Variants in PSD3 observed in about 807,000 individuals in gnomAD.
The protein encoded by PSD3 is PH and SEC7 domain-containing protein 3.
Under a neutral mutation model 105.5 loss-of-function variants are expected in PSD3, and 49 were observed. That is an observed-to-expected ratio of 0.46 (90% CI 0.37 to 0.59). The LOEUF (loss-of-function observed/expected upper bound fraction) is 0.59. Ranked by LOEUF, PSD3 falls within the 20% of genes least tolerant of loss-of-function variation. The pLI is 0.00. For missense variants in PSD3, 1,561 were observed against 1,263.8 expected (o/e 1.24, Z -3.57); for synonymous variants, 557 against 457.8 (o/e 1.22, Z -2.77).
intron 1 of PSD3, among the ~76,000 whole-genome samples, chr8:18,951,721 A>C (rs2129470085): frequency 6.6e-6 from 1 of 152,280 alleles, no homozygotes; most frequent in Non-Finnish European, 1.5e-5. Context: ...ACAGTGGCTC[A>C]CACCTGTAAT....
At chr8:18,812,520 G>C (rs912325354) in intron 4 of PSD3, among the ~76,000 whole-genome samples, 2 of 152,184 alleles carry the variant, frequency 1.3e-5, no homozygotes, top group East Asian at 1.9e-4. Flanking sequence ...GGGAGGAGCT[G>C]GCTTGGGTGG....
chr8:18,816,398 G>T (rs1327965913), intron 4 of PSD3, among the ~76,000 whole-genome samples: 3 of 152,198 alleles, frequency 2.0e-5, no homozygotes, highest in African/African-American at 7.2e-5. Context: ...CTCAGCAATG[G>T]CGGCTGCAGT....
intron 8 of PSD3, among the ~76,000 whole-genome samples, chr8:18,787,055 A>G (rs911834846): frequency 6.6e-6 from 1 of 152,224 alleles, no homozygotes; most frequent in Admixed American, 6.5e-5. Context: ...TTATTTTAAA[A>G]TACTATTATT....
intron 4 of PSD3, among the ~76,000 whole-genome samples, chr8:18,810,857 A>G (rs780655836): frequency 3.9e-5 from 6 of 152,240 alleles, no homozygotes; most frequent in Non-Finnish European, 4.4e-5. Context: ...ACTGGAACCA[A>G]CAGACAAGAG....
chr8:19,050,892 G>C (rs1307888655), intron 1 of PSD3, among the ~76,000 whole-genome samples: 2 of 152,168 alleles, frequency 1.3e-5, no homozygotes, highest in Non-Finnish European at 2.9e-5. Flanking sequence ...CCTCCCGTGA[G>C]CCAGGAGCTA....
intron 1 of PSD3, among the ~76,000 whole-genome samples, chr8:19,053,876 A>G (rs1470591825): frequency 6.6e-6 from 1 of 152,252 alleles, no homozygotes; most frequent in Non-Finnish European, 1.5e-5. Flanking sequence ...ATTTGTACAA[A>G]TGAATGAATG....
intron 11 of PSD3, among the ~76,000 whole-genome samples, chr8:18,608,913 T>C (rs1292567125): frequency 6.6e-6 from 1 of 152,234 alleles, no homozygotes; most frequent in Non-Finnish European, 1.5e-5. Flanking sequence ...TTCATTCAAA[T>C]GGCAGAGCAT....
chr8:18,776,998 A>G (rs183451796), intron 8 of PSD3, among the ~76,000 whole-genome samples: 1 of 151,554 alleles, frequency 6.6e-6, no homozygotes, highest in East Asian at 1.9e-4. Flanking sequence ...TTCTGATTTT[A>G]TTGATTTTGG....
intron 14 of PSD3, among the ~76,000 whole-genome samples, chr8:18,561,385 CA>C (rs1382542595): frequency 6.6e-6 from 1 of 152,136 alleles, no homozygotes; most frequent in Non-Finnish European, 1.5e-5. Context: ...CACAGAAAGA[CA>C]GATATTGGAT....
At position 18,593,351 on chromosome 8, in the gene PSD3, C is replaced by T. The variant is rs62498642; in HGVS notation, c.2481+7013G>A. On this transcript the variant is annotated intron_variant, in intron 12 of 15. Coordinates refer to ENST00000327040, the MANE Select transcript of PSD3 (RefSeq NM_015310.4). ...CACTTCTCAAAAGAAGACATTTATG[C>T]AGCCAACAGACACATGAAAAAATGC... Among the ~76,000 whole-genome samples, 1,499 of 152,310 alleles carry T rather than the reference C, an allele frequency of 9.8e-3. 9 individuals are homozygous for T. Among genetic ancestry groups the T allele is most frequent in the Middle Eastern group, 0.02 (6 of 294 alleles).
At chr8:19,079,392 C>T (rs1470620535) in intron 1 of PSD3, among the ~76,000 whole-genome samples, 5 of 152,168 alleles carry the variant, frequency 3.3e-5, no homozygotes, top group African/African-American at 1.2e-4. Flanking sequence ...GTTAAAATTA[C>T]TATGTGAGCA....
chr8:18,736,202 G>A (rs554532134), intron 9 of PSD3, among the ~76,000 whole-genome samples: 19 of 152,210 alleles, frequency 1.2e-4, no homozygotes, highest in Middle Eastern at 3.4e-3. Flanking sequence ...GGAATAAGAT[G>A]CCCTATATTA....
intron 2 of PSD3, among the ~76,000 whole-genome samples, chr8:18,919,102 T>G (rs965439226): frequency 6.6e-6 from 1 of 152,188 alleles, no homozygotes; most frequent in Non-Finnish European, 1.5e-5. Context: ...ATAATTTACC[T>G]GCAAATATGC....
chr8:18,831,229 T>C (rs1813657238), intron 4 of PSD3, among the ~76,000 whole-genome samples: 1 of 152,202 alleles, frequency 6.6e-6, no homozygotes, highest in Non-Finnish European at 1.5e-5. Context: ...CTTCCTCATC[T>C]GTAAAGTGAA....
chr8:18,596,506 A>C (rs1022102980), intron 12 of PSD3, among the ~76,000 whole-genome samples: 3 of 152,038 alleles, frequency 2.0e-5, no homozygotes, highest in Non-Finnish European at 4.4e-5. Flanking sequence ...TAGAGCAGAA[A>C]TAAAAGAAAT....
chr8:18,797,218 C>T (rs1273394110), intron 8 of PSD3, among the ~76,000 whole-genome samples: 1 of 152,090 alleles, frequency 6.6e-6, no homozygotes, highest in Non-Finnish European at 1.5e-5. Context: ...AATAGACAAT[C>T]CCAAGTATAT....
rs149189024 is a variant in PSD3, at chr8:18,926,328, T to C, written c.130+9706A>G. On this transcript the variant is annotated intron_variant, in intron 2 of 15. Coordinates refer to ENST00000327040, the MANE Select transcript of PSD3 (RefSeq NM_015310.4). The stretch of plus-strand genomic sequence containing the variant: ...AAATTATTTATAATTTATAATTATA[T>C]AATTATAATCATAATTATAAAACAA... 3.2e-3 allele frequency among the ~76,000 whole-genome samples: 480 copies of C among 151,352 alleles called. 4 individuals are homozygous for C. Among genetic ancestry groups the C allele is most frequent in the African/African-American group, 0.011 (445 of 41,446 alleles).
intron 15 of PSD3, among the ~76,000 whole-genome samples, chr8:18,555,754 G>C (rs965263688): frequency 2.6e-5 from 4 of 152,196 alleles, no homozygotes; most frequent in African/African-American, 9.6e-5. Flanking sequence ...GGCAGTGGGT[G>C]ACAAGAAGAA....
At chr8:19,050,867 C>T (rs1320249296) in intron 1 of PSD3, among the ~76,000 whole-genome samples, 1 of 152,084 alleles carries the variant, frequency 6.6e-6, no homozygotes. Flanking sequence ...AGGAATTAAA[C>T]AAGTGGGCTG....
Sources: allele counts gnomAD v4.1 joint callset (sites outside exome capture counted in the v4.1 genomes callset), GRCh38; gene constraint gnomAD v4.1.1; transcripts MANE v1.5; gene names NCBI Gene and HGNC (gene_info 2026-07-23, HGNC 2026-07-21).